UGT1A5: variants seen among roughly 807,000 people sequenced by gnomAD.
UGT1A5 encodes the protein UDP-glucuronosyltransferase 1A5.
A neutral mutation model predicts 40.3 loss-of-function variants in UGT1A5; 29 were observed. The observed-to-expected ratio is 0.72, with a 90% CI of 0.54 to 0.98. The LOEUF is 0.98. Among genes scored for constraint, UGT1A5 ranks in the 50% least tolerant of loss-of-function variants. The pLI is 0.00. For synonymous variants in UGT1A5, 257 were observed against 262.5 expected (o/e 0.98, Z 0.20); for missense variants, 678 against 677.9 (o/e 1.00, Z 0.00).
chr2:233,765,966 G>C (rs538817499), intron 1 of UGT1A5, among the ~76,000 whole-genome samples: 1 of 152,134 alleles, frequency 6.6e-6, no homozygotes, highest in African/African-American at 2.4e-5. Context: ...GTGTCTAGAG[G>C]TGGATGTTTA....
chr2:233,753,976 G>A (rs531716097), intron 1 of UGT1A5, among the ~76,000 whole-genome samples: 12 of 152,206 alleles, frequency 7.9e-5, no homozygotes, highest in Non-Finnish European at 1.6e-4. Flanking sequence ...AACGTGTGTT[G>A]TTTTAAGCCA....
chr2:233,742,512 C>A (rs924249262), intron 1 of UGT1A5, among the ~76,000 whole-genome samples: 2 of 151,876 alleles, frequency 1.3e-5, no homozygotes, highest in African/African-American at 4.9e-5. Context: ...ATCATGAACA[C>A]GTCACAGTGC....
At chr2:233,760,734 G>C (rs1458334680) in intron 1 of UGT1A5, 2 of 1,614,080 alleles carry the variant, frequency 1.2e-6, no homozygotes, top group Non-Finnish European at 1.7e-6. Context: ...ATGTCATGCT[G>C]ACGGACCCTT....
chr2:233,742,756 G>T (rs1692089977), intron 1 of UGT1A5: 1 of 153,056 alleles, frequency 6.5e-6, no homozygotes, highest in Middle Eastern at 3.4e-3. Flanking sequence ...AAAATATTAA[G>T]ATAATAAATG....
chr2:233,767,370 A>G (rs1265140795), intron 2 of UGT1A5, among the ~76,000 whole-genome samples: 1 of 152,186 alleles, frequency 6.6e-6, no homozygotes, highest in Non-Finnish European at 1.5e-5. Context: ...CTATTAAACT[A>G]TGATCCACCA....
At chr2:233,732,692 C>T (rs1425902853) in intron 1 of UGT1A5, among the ~76,000 whole-genome samples, 1 of 150,324 alleles carries the variant, frequency 6.7e-6, no homozygotes, top group Non-Finnish European at 1.5e-5. Context: ...AGCACCCATG[C>T]TGTTTTGTTA....
rs1453599075 is a variant in UGT1A5, at chr2:233,713,499, G to T, written c.508G>T (p.Val170Leu). The change falls in exon 1 of 5, where the codon GTG (valine) becomes TTG (leucine). Residue 170 changes from valine to leucine, a missense_variant. Coordinates refer to ENST00000373414, the MANE Select transcript of UGT1A5 (RefSeq NM_019078.2). Reference sequence around the variant, plus strand: ...GGCTAAGTACCTGTCGATTCCTGCTGTGTTTTTCTTGAGGAACATTCCATG... The same window carrying T: ...GGCTAAGTACCTGTCGATTCCTGCTTTGTTTTTCTTGAGGAACATTCCATG... ...VLAKYLSIPAVFFLRNIPCDL... is the reference protein window; with the variant it reads ...VLAKYLSIPALFFLRNIPCDL... 4 of 1,614,000 alleles carry T rather than the reference G, an allele frequency of 2.5e-6. No homozygotes were observed. The highest frequency in any genetic ancestry group is 1.7e-4 in the Middle Eastern group (1 of 6,056).
At chr2:233,736,991 G>A (rs1181891962) in intron 1 of UGT1A5, among the ~76,000 whole-genome samples, 1 of 152,206 alleles carries the variant, frequency 6.6e-6, no homozygotes, top group Non-Finnish European at 1.5e-5. Flanking sequence ...GATACACAGA[G>A]GTCAGGGACC....
At chr2:233,718,407 A>G (rs1424568880) in intron 1 of UGT1A5, among the ~76,000 whole-genome samples, 1 of 152,254 alleles carries the variant, frequency 6.6e-6, no homozygotes, top group African/African-American at 2.4e-5. Flanking sequence ...ATAGCGTCAC[A>G]TTCAGCAGAG....
intron 1 of UGT1A5, chr2:233,738,809 G>T (rs149365680): frequency 6.6e-6 from 1 of 152,200 alleles, no homozygotes; most frequent in Non-Finnish European, 1.5e-5. Context: ...ACTAGCTAAA[G>T]AAATTTGAAT....
intron 1 of UGT1A5, chr2:233,717,870 G>A (rs909947409): frequency 5.9e-5 from 27 of 454,752 alleles, no homozygotes; most frequent in African/African-American, 4.4e-4. Flanking sequence ...GGATTGACTT[G>A]GAGAAAAGCC....
At chr2:233,744,355 C>G (rs563473520) in intron 1 of UGT1A5, among the ~76,000 whole-genome samples, 6 of 151,952 alleles carry the variant, frequency 3.9e-5, no homozygotes, top group African/African-American at 1.2e-4. Context: ...TGAAGACATC[C>G]TGTTGTTTAG....
intron 1 of UGT1A5, among the ~76,000 whole-genome samples, chr2:233,748,555 G>A (rs1257442595): frequency 2.6e-5 from 4 of 151,888 alleles, no homozygotes; most frequent in South Asian, 2.1e-4. Flanking sequence ...CTAAGCACTC[G>A]CAGGAAGTAG....
intron 1 of UGT1A5, among the ~76,000 whole-genome samples, chr2:233,757,900 G>A (rs1226953924): frequency 6.6e-6 from 1 of 152,060 alleles, no homozygotes; most frequent in African/African-American, 2.4e-5. Flanking sequence ...CACTTTCCAT[G>A]GACGTGTCAC....
chr2:233,754,525 G>T (rs1133497), intron 1 of UGT1A5: 18 of 367,412 alleles, frequency 4.9e-5, no homozygotes, highest in East Asian at 2.2e-4. Flanking sequence ...GTGCTTAAAG[G>T]CAAATGTGGA....
chr2:233,765,917 T>C (rs1002014731), intron 1 of UGT1A5, among the ~76,000 whole-genome samples: 3 of 151,992 alleles, frequency 2.0e-5, no homozygotes, highest in African/African-American at 7.3e-5. Context: ...TAGGGGAGCA[T>C]ACAGACGGGC....
chr2:233,762,218 A>G (rs1011647338), intron 1 of UGT1A5, among the ~76,000 whole-genome samples: 2 of 152,162 alleles, frequency 1.3e-5, no homozygotes, highest in African/African-American at 4.8e-5. Flanking sequence ...GCGCCCCATA[A>G]ATCTCAGCAC....
At position 233,760,587 on chromosome 2, in the gene UGT1A5, T is replaced by C. The variant is rs374655757; in HGVS notation, c.868-6447T>C. ...TTGTTAGTCTCGGGCATAATGTTTT[T>C]GAGAATGATTCTTTCCTGCAGCGTG... On this transcript the variant is annotated intron_variant, in intron 1 of 4. Coordinates refer to ENST00000373414, the MANE Select transcript of UGT1A5 (RefSeq NM_019078.2). 5 of 1,614,120 alleles carry C rather than the reference T, an allele frequency of 3.1e-6. No homozygotes were observed. Among genetic ancestry groups the C allele is most frequent in the Non-Finnish European group, 4.2e-6 (5 of 1,180,056 alleles).
chr2:233,738,561 A>C lies in UGT1A5; in HGVS notation c.867+24703A>C, dbSNP rs200356617. 8.5e-5 allele frequency among the ~76,000 whole-genome samples: 13 copies of C among 152,332 alleles called. No homozygotes were observed. In the East Asian group the frequency reaches 2.5e-3, roughly 29 times the overall value. ...GCTGAGTCTCAGATAGAGATGAGGA[A>C]TCTGTTGAGAACTGGAGCAAAGGTC... On this transcript the variant is annotated intron_variant, in intron 1 of 4. Transcript: ENST00000373414.
Sources: allele counts gnomAD v4.1 joint callset (sites outside exome capture counted in the v4.1 genomes callset), GRCh38; gene constraint gnomAD v4.1.1; transcripts MANE v1.5; gene names NCBI Gene and HGNC (gene_info 2026-07-23, HGNC 2026-07-21).